The following DNASE1L3 variants were observed in gnomAD, a reference collection of about 807,000 sequenced individuals.
The protein encoded by DNASE1L3 is deoxyribonuclease 1L3, also known as deoxyribonuclease gamma.
In DNASE1L3, 27 loss-of-function variants were observed where a neutral mutation model predicts 30.9. The observed-to-expected ratio is 0.87, with a 90% confidence interval of 0.64 to 1.20. DNASE1L3 has a LOEUF of 1.20. Ranked by LOEUF, DNASE1L3 falls within the 50% of genes most tolerant of loss-of-function variation. The probability of loss-of-function intolerance (pLI) is 0.00; values close to 1 mark genes in which losing one functional copy is unlikely to be tolerated. For missense variants in DNASE1L3, 364 were observed against 378.2 expected, an observed-to-expected ratio of 0.96 and a Z score of 0.31; for synonymous variants, 135 against 138.0, an observed-to-expected ratio of 0.98 and a Z score of 0.15.
At position 58,197,064 on chromosome 3, in the gene DNASE1L3, G is replaced by A. The variant is rs1014466929; in HGVS notation, c.704+757C>T. Reference sequence around the variant, plus strand: ...ATGGGGATTGGGCGCATCAATTGCGGTAAGTCTTTGTGATGGAACAATGAT... The same window carrying A: ...ATGGGGATTGGGCGCATCAATTGCGATAAGTCTTTGTGATGGAACAATGAT... On this transcript the variant is annotated intron_variant, in intron 6 of 7. Transcript: ENST00000394549. This position sits in a 1 kb window ranked among gnomAD's most constrained non-coding sequence, Gnocchi z 5.3. Among the ~76,000 whole-genome samples, 1 of 152,204 alleles carries A rather than the reference G, an allele frequency of 6.6e-6. No homozygotes were observed. Among genetic ancestry groups the A allele is most frequent in the African/African-American group, 2.4e-5 (1 of 41,446 alleles).
At position 58,204,789 on chromosome 3, in the gene DNASE1L3, C is replaced by G. The variant is rs1200860964; in HGVS notation, c.413G>C (p.Trp138Ser). The change falls in exon 4 of 8, where the codon TGG (tryptophan) becomes TCG (serine). Residue 138 changes from tryptophan (W) to serine (S), a missense_variant. By Grantham distance (177) the Trp-to-Ser change is radical (BLOSUM62 -3). Coordinates refer to ENST00000394549, the MANE Select transcript of DNASE1L3 (RefSeq NM_004944.4). ...CTTACCAGTGTGGGGAGATTGGAAC[C>G]AGACCACAAAGGGCTCCCTGGAAAA... ...DVFSREPFVV[W>S]FQSPHTAVKD... The G allele has an allele frequency of 6.2e-7, 1 of 1,614,154 alleles. No homozygotes were observed. The highest frequency in any genetic ancestry group is 8.5e-7 in the Non-Finnish European group (1 of 1,180,010).
At chr3:58,202,088 A>G (rs1305009278) in intron 4 of DNASE1L3, among the ~76,000 whole-genome samples, 6 of 147,772 alleles carry the variant, frequency 4.1e-5, no homozygotes, top group Admixed American at 4.0e-4. Flanking sequence ...TTCTTTTTTT[A>G]ATTGACAGGA....
In DNASE1L3 at chr3:58,192,983, C is replaced by G. The variant is rs1386518025; in HGVS notation, c.802-180G>C. 14 of 1,437,224 alleles carry G rather than the reference C, an allele frequency of 9.7e-6. No homozygotes were observed. The Admixed American group carries it at 3.7e-4, about 38-fold the overall frequency. The allele number at this position is 1,437,224 out of a possible 1,614,324, so 89.0% of individuals were successfully genotyped here. A position where few individuals can be genotyped will look rare whatever the true frequency, so the allele number is the denominator to read the frequency against. ...GCTCGATCAGAAATTTTGGAGGGGC[C>G]TCAAATCACAGAATCATAGGCATTG... On this transcript the variant is annotated intron_variant, in intron 7 of 7. Coordinates refer to ENST00000394549, the MANE Select transcript of DNASE1L3 (RefSeq NM_004944.4). The surrounding 1 kb of genome is among the most constrained non-coding windows in gnomAD (Gnocchi z 4.8).
chr3:58,204,888 G>A lies in DNASE1L3; in HGVS notation c.321-7C>T, dbSNP rs1271624567. 3.1e-6 allele frequency: 5 copies of A among 1,612,268 alleles called. No homozygotes were observed. The highest frequency in any genetic ancestry group is 1.7e-6 in the Non-Finnish European group (2 of 1,178,416). On this transcript the variant is annotated splice_polypyrimidine_tract_variant and splice_region_variant and intron_variant, in intron 3 of 7. Coordinates refer to ENST00000394549, the MANE Select transcript of DNASE1L3 (RefSeq NM_004944.4). ...CACAGACACCAGCTTTTCCCTATAA[G>A]AAGGAAAAGGAAGTCCTCCCAGCTG...
intron 6 of DNASE1L3, among the ~76,000 whole-genome samples, chr3:58,195,613 CAAAAAAAAAAA>C (rs34773952): frequency 4.4e-4 from 17 of 38,442 alleles, no homozygotes; most frequent in Non-Finnish European, 7.2e-4. Flanking sequence ...ACTAAAATTA[CAAAAAAAAAAA>C]AAAAAAAAAA....
rs1004828790 is a variant in DNASE1L3 at position 58,197,703 on chromosome 3, G to A, written c.704+118C>T. 21 of 1,381,560 alleles carry A rather than the reference G, an allele frequency of 1.5e-5. No individual in the cohort carries two copies. Among genetic ancestry groups the A allele is most frequent in the East Asian group, 6.9e-5 (3 of 43,318 alleles). The allele number at this position is 1,381,560 out of a possible 1,614,324, so 85.6% of individuals were successfully genotyped here. ...CCTGTACTCAAGCGATCCATCCATC[G>A]AGGCCTCCCAAAGTGCTAGGACTAC... On this transcript the variant is annotated intron_variant, in intron 6 of 7. Coordinates refer to ENST00000394549, the MANE Select transcript of DNASE1L3 (RefSeq NM_004944.4). The surrounding 1 kb of genome is among the most constrained non-coding windows in gnomAD (Gnocchi z 5.3).
chr3:58,200,975 C>T lies in DNASE1L3; in HGVS notation c.546+22G>A, dbSNP rs772353822. ...AGCCTGCCCCTGCTAGATGGGAATT[C>T]GTCTGACACAGCAGTCCTCACCTCC... On this transcript the variant is annotated intron_variant, in intron 5 of 7. Coordinates refer to ENST00000394549, the MANE Select transcript of DNASE1L3 (RefSeq NM_004944.4). This position sits in a 1 kb window ranked among gnomAD's most constrained non-coding sequence, Gnocchi z 4.2. 4.4e-6 allele frequency: 7 copies of T among 1,596,994 alleles called. No homozygotes were observed. Among genetic ancestry groups the T allele is most frequent in the Admixed American group, 3.4e-5 (2 of 59,256 alleles).
At chr3:58,206,501 T>G (rs1248374238) in intron 2 of DNASE1L3, among the ~76,000 whole-genome samples, 1 of 152,130 alleles carries the variant, frequency 6.6e-6, no homozygotes, top group Non-Finnish European at 1.5e-5. Context: ...GCCTGCCAAG[T>G]CCTGAGTTAG....
rs13085995 is a variant in DNASE1L3 at position 58,197,351 on chromosome 3, C to A, written c.704+470G>T. On this transcript the variant is annotated intron_variant, in intron 6 of 7. Coordinates refer to ENST00000394549, the MANE Select transcript of DNASE1L3 (RefSeq NM_004944.4). The surrounding 1 kb of genome is among the most constrained non-coding windows in gnomAD (Gnocchi z 5.3). ...GCTAAGCTACAGTGCCCAGGGCCAC[C>A]GCATAGGGTCCTGTGGTTCATACGC... Among the ~76,000 whole-genome samples the A allele has an allele frequency of 6.6e-6, 1 of 152,078 alleles. No homozygotes were observed. Among genetic ancestry groups the A allele is most frequent in the Non-Finnish European group, 1.5e-5 (1 of 68,016 alleles).
chr3:58,204,678 A>G (rs1187319671), intron 4 of DNASE1L3, 91 bp downstream of exon 4: 1 of 1,033,724 alleles, frequency 9.7e-7, no homozygotes, highest in Non-Finnish European at 1.5e-6. Context: ...CATCCAGCCT[A>G]ATGCCTCCTT....
chr3:58,205,937 C>T (rs954457899), intron 2 of DNASE1L3, among the ~76,000 whole-genome samples: 9 of 152,220 alleles, frequency 5.9e-5, no homozygotes, highest in African/African-American at 9.6e-5. Context: ...CCCCTGACCC[C>T]GCTCATGCCC....
chr3:58,202,580 G>C (rs1169073120), intron 4 of DNASE1L3, among the ~76,000 whole-genome samples: 1 of 151,950 alleles, frequency 6.6e-6, no homozygotes, highest in African/African-American at 2.4e-5. Flanking sequence ...TTGGCCAGGC[G>C]TGTTGGCTTA....
chr3:58,208,187 G>A (rs747649598), intron 2 of DNASE1L3, 31 bp downstream of exon 2: 1 of 1,608,230 alleles, frequency 6.2e-7, no homozygotes, highest in Non-Finnish European at 8.5e-7. Flanking sequence ...TTGACCTTGA[G>A]CCCTAGAGGG....
At chr3:58,193,139 C>T (rs3732629) in intron 7 of DNASE1L3, 476,322 of 1,417,324 alleles carry the variant, frequency 0.34, 83,534 homozygotes, top group East Asian at 0.62. Context: ...TGCAGTGGTG[C>T]GATCTTGGCT....
chr3:58,201,185 G>A, intron 4 of DNASE1L3, 76 bp from the exon 5 acceptor site: 3 of 1,101,124 alleles, frequency 2.7e-6, no homozygotes, highest in Non-Finnish European at 3.9e-6. Flanking sequence ...AGGGAAACCA[G>A]CTGTCCCCTC....
At chr3:58,207,986 C>T (rs1318084116) in intron 2 of DNASE1L3, 3 of 422,444 alleles carry the variant, frequency 7.1e-6, no homozygotes, top group African/African-American at 4.0e-5. Flanking sequence ...TTTTTCATTT[C>T]TTTCTGTGTC....
intron 6 of DNASE1L3, among the ~76,000 whole-genome samples, chr3:58,194,986 G>T (rs939074529): frequency 6.6e-6 from 1 of 152,196 alleles, no homozygotes; most frequent in African/African-American, 2.4e-5. Flanking sequence ...TTAGACATTT[G>T]TGAAAGCTTT....
chr3:58,192,940 A>G lies in DNASE1L3; in HGVS notation c.802-137T>C. ...TCACCCCACAGAACACTTACTGGTA[A>G]GCGTCATTCCAAGACCAGCTCGATC... On this transcript the variant is annotated intron_variant, in intron 7 of 7. Coordinates refer to ENST00000394549, the MANE Select transcript of DNASE1L3 (RefSeq NM_004944.4). The surrounding 1 kb of genome is among the most constrained non-coding windows in gnomAD (Gnocchi z 4.8). 4 of 1,463,090 alleles carry G rather than the reference A, an allele frequency of 2.7e-6. No individual in the cohort carries two copies. Among genetic ancestry groups the G allele is most frequent in the Admixed American group, 5.5e-5 (2 of 36,258 alleles). 90.6% of individuals were successfully genotyped at this position (1,463,090 alleles called of 1,614,324 possible). A position where few individuals can be genotyped will look rare whatever the true frequency, so the allele number is the denominator to read the frequency against.
rs34882513 is a variant in DNASE1L3 at position 58,192,418 on chromosome 3, AG to A, written c.*268del. The A allele has an allele frequency of 0.057, 15,081 of 262,594 alleles. 599 individuals are homozygous for A. Among genetic ancestry groups the A allele is most frequent in the African/African-American group, 0.12 (5,401 of 44,394 alleles). 16.3% of individuals were successfully genotyped at this position (262,594 alleles called of 1,614,324 possible). A position where few individuals can be genotyped will look rare whatever the true frequency, so the allele number is the denominator to read the frequency against. On this transcript the variant is annotated 3_prime_UTR_variant, in exon 8 of 8. Coordinates refer to ENST00000394549, the MANE Select transcript of DNASE1L3 (RefSeq NM_004944.4). This position sits in a 1 kb window ranked among gnomAD's most constrained non-coding sequence, Gnocchi z 4.8. The stretch of plus-strand genomic sequence containing the variant: ...GACAGGGTTGAGCAGGGCCAGTGAC[AG>A]TGGATGGGGCTCTGGCTCAGGGCAT...
Sources: allele counts gnomAD v4.1 joint callset (sites outside exome capture counted in the v4.1 genomes callset), GRCh38; gene constraint gnomAD v4.1.1; non-coding constraint Gnocchi (gnomAD v3.1); transcripts MANE v1.5; gene names NCBI Gene and HGNC (gene_info 2026-07-23, HGNC 2026-07-21).